CDH12: variants seen among roughly 807,000 people sequenced by gnomAD.
The protein encoded by CDH12 is cadherin 12.
Under a neutral mutation model 74.1 loss-of-function variants are expected in CDH12, and 41 were observed. That is an observed-to-expected ratio of 0.55 (90% CI 0.43 to 0.72). The LOEUF is 0.72. Ranked by LOEUF, CDH12 falls within the 30% of genes least tolerant of loss-of-function variation. The probability of loss-of-function intolerance (pLI) is 0.00; values close to 1 mark genes in which losing one functional copy is unlikely to be tolerated. For synonymous variants in CDH12, 399 were observed against 355.0 expected (o/e 1.12, Z -1.39); for missense variants, 945 against 977.2 (o/e 0.97, Z 0.44).
chr5:22,055,850 G>A (rs983609715), intron 5 of CDH12, among the ~76,000 whole-genome samples: 19 of 151,928 alleles, frequency 1.3e-4, no homozygotes, highest in African/African-American at 4.6e-4. Context: ...ACTAAAGGTT[G>A]GTATTTAATC....
intron 3 of CDH12, among the ~76,000 whole-genome samples, chr5:22,307,764 T>A (rs898734229): frequency 5.9e-5 from 9 of 151,908 alleles, no homozygotes; most frequent in Non-Finnish European, 4.4e-5. Flanking sequence ...CCAACCCTAG[T>A]AACTAATATG....
chr5:22,489,570 T>C (rs1483722630), intron 2 of CDH12, among the ~76,000 whole-genome samples: 1 of 152,104 alleles, frequency 6.6e-6, no homozygotes, highest in African/African-American at 2.4e-5. Flanking sequence ...TCTCAAGGAG[T>C]TTAAGTTTTA....
chr5:22,398,183 C>A (rs996647783), intron 3 of CDH12, among the ~76,000 whole-genome samples: 1 of 152,036 alleles, frequency 6.6e-6, no homozygotes, highest in South Asian at 2.1e-4. Context: ...AGTAATATGG[C>A]AAATTGCTGG....
intron 5 of CDH12, among the ~76,000 whole-genome samples, chr5:22,062,644 A>G (rs1741268792): frequency 1.3e-5 from 2 of 152,178 alleles, no homozygotes; most frequent in Non-Finnish European, 2.9e-5. Context: ...TTGATTTAGG[A>G]CACTTGAATA....
chr5:22,674,593 G>A (rs1411258369), intron 1 of CDH12, among the ~76,000 whole-genome samples: 1 of 152,162 alleles, frequency 6.6e-6, no homozygotes, highest in African/African-American at 2.4e-5. Context: ...ACAGGCAGAA[G>A]TTGGAACAGT....
chr5:21,776,375 C>T (rs1745589570), intron 11 of CDH12, among the ~76,000 whole-genome samples: 1 of 152,088 alleles, frequency 6.6e-6, no homozygotes, highest in Non-Finnish European at 1.5e-5. Context: ...TTTAAACTAC[C>T]AAATTTGTAA....
chr5:22,793,961 T>C (rs974408516), intron 1 of CDH12, among the ~76,000 whole-genome samples: 1 of 152,200 alleles, frequency 6.6e-6, no homozygotes, highest in Non-Finnish European at 1.5e-5. Flanking sequence ...ACAAGTTTTC[T>C]AGCTAATCTT....
chr5:22,171,332 G>A (rs1250867175), intron 4 of CDH12, among the ~76,000 whole-genome samples: 1 of 151,830 alleles, frequency 6.6e-6, no homozygotes, highest in Non-Finnish European at 1.5e-5. Context: ...TAGAATAAAT[G>A]TACTAGATGG....
intron 1 of CDH12, among the ~76,000 whole-genome samples, chr5:22,549,412 A>G (rs557277581): frequency 6.6e-6 from 1 of 151,602 alleles, no homozygotes; most frequent in South Asian, 2.1e-4. Flanking sequence ...TTATCATTGG[A>G]TCTCCCAACA....
At chr5:22,316,885 C>T (rs1738656295) in intron 3 of CDH12, among the ~76,000 whole-genome samples, 1 of 151,992 alleles carries the variant, frequency 6.6e-6, no homozygotes, top group East Asian at 1.9e-4. Context: ...TTATTTTTCC[C>T]TCTGCTCTAG....
chr5:22,761,258 T>C (rs1160471405), intron 1 of CDH12, among the ~76,000 whole-genome samples: 1 of 152,230 alleles, frequency 6.6e-6, no homozygotes, highest in Non-Finnish European at 1.5e-5. Context: ...TTTCATGATT[T>C]ATATCCTGGG....
At chr5:22,718,562 G>T (rs1743707605) in intron 1 of CDH12, among the ~76,000 whole-genome samples, 1 of 152,144 alleles carries the variant, frequency 6.6e-6, no homozygotes, top group African/African-American at 2.4e-5. Flanking sequence ...GAGAGAGAGA[G>T]CCCTGTTAAG....
At chr5:22,539,252 A>G (rs1157460394) in intron 1 of CDH12, among the ~76,000 whole-genome samples, 1 of 152,220 alleles carries the variant, frequency 6.6e-6, no homozygotes, top group East Asian at 1.9e-4. Context: ...TGAATAGAAC[A>G]CTAAGAAGGA....
At chr5:22,168,358 G>A (rs1748815469) in intron 4 of CDH12, among the ~76,000 whole-genome samples, 1 of 152,002 alleles carries the variant, frequency 6.6e-6, no homozygotes. Flanking sequence ...TTTGATTCCA[G>A]AGTTAGAGCT....
chr5:22,277,170 G>A (rs995740736), intron 3 of CDH12, among the ~76,000 whole-genome samples: 1 of 152,140 alleles, frequency 6.6e-6, no homozygotes, highest in Non-Finnish European at 1.5e-5. Context: ...TTTGAAGCCT[G>A]CTTCCCAACC....
intron 1 of CDH12, among the ~76,000 whole-genome samples, chr5:22,732,755 G>A (rs1396431720): frequency 1.3e-5 from 2 of 151,754 alleles, no homozygotes; most frequent in Admixed American, 1.3e-4. Context: ...GAAGCTAGTA[G>A]AGAAGTATGG....
chr5:21,789,794 TG>T (rs1342876753), intron 10 of CDH12, among the ~76,000 whole-genome samples: 1 of 152,146 alleles, frequency 6.6e-6, no homozygotes, highest in Non-Finnish European at 1.5e-5. Flanking sequence ...GTATACATTT[TG>T]TGTATGTGAC....
chr5:21,935,360 A>T (rs1195355985), intron 6 of CDH12, among the ~76,000 whole-genome samples: 3 of 152,198 alleles, frequency 2.0e-5, no homozygotes, highest in African/African-American at 4.8e-5. Flanking sequence ...TCACAACATT[A>T]AGCTCTACAT....
rs745459673 is a variant in CDH12 at position 21,802,414 on chromosome 5, C to A, written c.1009G>T (p.Asp337Tyr). ...GTGTATGCCTTCTTTGTTTCAAAAT[C>A]TAAAGGCTGTAGTGAGGACAAATTA... ...EGVIKLKKPL[D>Y]FETKKAYTFK... Residue 337 changes from aspartate to tyrosine, a missense_variant, in exon 10 of 15, where the codon GAT becomes TAT. Asp to Tyr is a radical substitution (Grantham distance 160). This residue lies in a region of CDH12 where 791 missense variants were observed against 792.8 expected (regional missense o/e 1.00). Coordinates refer to ENST00000382254, the MANE Select transcript of CDH12 (RefSeq NM_004061.5). The A allele has an allele frequency of 1.2e-6, 2 of 1,613,044 alleles. No individual in the cohort carries two copies. The highest frequency in any genetic ancestry group is 1.7e-6 in the Non-Finnish European group (2 of 1,179,274).
Sources: gnomAD v4.1 joint callset for allele counts (sites outside exome capture counted in the v4.1 genomes callset) on GRCh38, gnomAD v4.1.1 for gene constraint, gnomAD v4.1.1 regional missense constraint, MANE v1.5 for transcripts, NCBI Gene and HGNC (gene_info 2026-07-23, HGNC 2026-07-21) for gene names.